KCNQ5: variants seen among roughly 807,000 people sequenced by gnomAD.
KCNQ5 encodes potassium voltage-gated channel subfamily KQT member 5.
A neutral mutation model predicts 98.2 loss-of-function variants in KCNQ5; 30 were observed. That is an observed-to-expected ratio of 0.31 (90% confidence interval 0.23 to 0.41). The LOEUF (loss-of-function observed/expected upper bound fraction) is 0.41. Ranked by LOEUF, KCNQ5 falls within the 10% of genes least tolerant of loss-of-function variation. KCNQ5 has a pLI of 1.00. For missense variants in KCNQ5, 835 were observed against 1,182.5 expected, an observed-to-expected ratio of 0.71 and a Z score of 4.31; for synonymous variants, 458 against 449.4, an observed-to-expected ratio of 1.02 and a Z score of -0.24.
chr6:72,677,188 C>T (rs1767459161), intron 1 of KCNQ5: 1 of 152,228 alleles, frequency 6.6e-6, no homozygotes, highest in African/African-American at 2.4e-5. Context: ...CCAGGACTTA[C>T]TCACATCAGC....
intron 1 of KCNQ5, among the ~76,000 whole-genome samples, chr6:72,852,660 T>TATATATATATATATATATATAA (rs1232591580): frequency 5.4e-5 from 7 of 128,498 alleles, no homozygotes; most frequent in African/African-American, 2.1e-4. Flanking sequence ...TATATATATA[T>TATATATATATATATATATATAA]AAATGGCACT....
intron 10 of KCNQ5, among the ~76,000 whole-genome samples, chr6:73,156,550 G>A (rs991066858): frequency 6.7e-6 from 1 of 150,324 alleles, no homozygotes; most frequent in African/African-American, 2.5e-5. Flanking sequence ...GCTTGAACCC[G>A]GGAGGCAGAG....
rs575480188 is a variant in KCNQ5 at position 73,181,859 on chromosome 6, T to A, written c.1578-8714T>A. ...CTCTCTGTGCCTCAGTTTCTTTATC[T>A]GCAAAACAGGGATGGCAATAGTACC... On this transcript the variant is annotated intron_variant, in intron 11 of 13. Coordinates refer to ENST00000370398, the MANE Select transcript of KCNQ5 (RefSeq NM_019842.4). Among the ~76,000 whole-genome samples the A allele has an allele frequency of 2.0e-5, 3 of 152,358 alleles. No homozygotes were observed. The South Asian group carries it at 6.2e-4, about 32-fold the overall frequency.
chr6:73,137,007 G>C (rs1046233958), intron 10 of KCNQ5, among the ~76,000 whole-genome samples: 7 of 151,340 alleles, frequency 4.6e-5, no homozygotes, highest in Admixed American at 4.6e-4. Context: ...ACAAATAAAA[G>C]AAAGAATAAT....
At chr6:72,738,528 A>T (rs373226735) in intron 1 of KCNQ5, among the ~76,000 whole-genome samples, 2 of 152,144 alleles carry the variant, frequency 1.3e-5, no homozygotes, top group Non-Finnish European at 2.9e-5. Context: ...GATTCGTTAT[A>T]ATATCTTATG....
intron 1 of KCNQ5, among the ~76,000 whole-genome samples, chr6:72,740,373 C>T (rs370849663): frequency 2.0e-5 from 3 of 151,972 alleles, no homozygotes; most frequent in South Asian, 2.1e-4. Flanking sequence ...AGTGGCTGTC[C>T]GGTTCAGTTT....
At chr6:72,793,289 C>T (rs1026060279) in intron 1 of KCNQ5, among the ~76,000 whole-genome samples, 4 of 152,076 alleles carry the variant, frequency 2.6e-5, no homozygotes, top group South Asian at 2.1e-4. Flanking sequence ...TAGTTTTGTT[C>T]GGAACTTTAC....
At chr6:72,932,272 G>A (rs1440437156) in intron 1 of KCNQ5, among the ~76,000 whole-genome samples, 1 of 152,022 alleles carries the variant, frequency 6.6e-6, no homozygotes, top group African/African-American at 2.4e-5. Flanking sequence ...GTGCGTGTGT[G>A]CGTGTGTGTG....
intron 1 of KCNQ5, among the ~76,000 whole-genome samples, chr6:72,771,572 G>C (rs1284325788): frequency 6.6e-6 from 1 of 151,632 alleles, no homozygotes. Context: ...ATATTTAGGT[G>C]CTCTTCCCAC....
intron 1 of KCNQ5, among the ~76,000 whole-genome samples, chr6:72,651,143 C>T (rs551072164): frequency 2.6e-5 from 4 of 152,204 alleles, no homozygotes; most frequent in Admixed American, 2.0e-4. Context: ...AACATAGCTA[C>T]CCCCTTATGG....
intron 1 of KCNQ5, among the ~76,000 whole-genome samples, chr6:72,899,657 T>C (rs1779400446): frequency 6.6e-6 from 1 of 152,174 alleles, no homozygotes; most frequent in African/African-American, 2.4e-5. Context: ...TTTTCTTTTT[T>C]TATTTTTCCA....
chr6:73,181,169 A>T (rs947072361), intron 11 of KCNQ5, among the ~76,000 whole-genome samples: 2 of 152,182 alleles, frequency 1.3e-5, no homozygotes, highest in Non-Finnish European at 2.9e-5. Context: ...CTTCAGTTTC[A>T]AGAGGAGGTA....
intron 1 of KCNQ5, among the ~76,000 whole-genome samples, chr6:72,891,868 G>A (rs1276068111): frequency 1.3e-5 from 2 of 152,170 alleles, no homozygotes; most frequent in African/African-American, 2.4e-5. Flanking sequence ...AGGAAGGCTT[G>A]AATGTCCACA....
chr6:73,171,327 A>G (rs1167395832), intron 11 of KCNQ5, among the ~76,000 whole-genome samples: 1 of 152,188 alleles, frequency 6.6e-6, no homozygotes, highest in Non-Finnish European at 1.5e-5. Context: ...TAGTCTCATC[A>G]TAAGTGTTAA....
intron 2 of KCNQ5, among the ~76,000 whole-genome samples, chr6:73,006,402 A>G (rs1451856503): frequency 7.0e-6 from 1 of 143,434 alleles, no homozygotes; most frequent in Non-Finnish European, 1.5e-5. Context: ...ATGTAATCCC[A>G]GCACTTTGGG....
chr6:72,973,190 G>T (rs1410471723), intron 1 of KCNQ5, among the ~76,000 whole-genome samples: 1 of 152,114 alleles, frequency 6.6e-6, no homozygotes, highest in Non-Finnish European at 1.5e-5. Context: ...TAGGTTACAG[G>T]TTATCATAGT....
chr6:73,063,109 T>C (rs1582282255), intron 3 of KCNQ5, among the ~76,000 whole-genome samples: 1 of 152,328 alleles, frequency 6.6e-6, no homozygotes, highest in Admixed American at 6.5e-5. Context: ...CTGAATGGTA[T>C]TGAACTCGAT....
intron 3 of KCNQ5, among the ~76,000 whole-genome samples, chr6:73,059,612 G>C (rs1156287935): frequency 6.6e-6 from 1 of 152,044 alleles, no homozygotes; most frequent in Non-Finnish European, 1.5e-5. Context: ...TGCCTAGAAT[G>C]TTTCATAGCA....
intron 1 of KCNQ5, among the ~76,000 whole-genome samples, chr6:72,825,736 A>C (rs1177446819): frequency 6.6e-6 from 1 of 152,170 alleles, no homozygotes; most frequent in Non-Finnish European, 1.5e-5. Flanking sequence ...TTAGCCACCT[A>C]GCAATAGTTG....
Sources: gnomAD v4.1 joint callset for allele counts (sites outside exome capture counted in the v4.1 genomes callset) on GRCh38, gnomAD v4.1.1 for gene constraint, MANE v1.5 for transcripts, NCBI Gene and HGNC (gene_info 2026-07-23, HGNC 2026-07-21) for gene names.